The following PRKD2 variants were observed in gnomAD, a reference collection of about 807,000 sequenced individuals.
The protein encoded by PRKD2 is serine/threonine-protein kinase D2.
In PRKD2, 22 loss-of-function variants were observed where a neutral mutation model predicts 86.0. The observed-to-expected ratio is 0.26, with a 90% CI of 0.18 to 0.37. PRKD2 has a LOEUF of 0.37. Among genes scored for constraint, PRKD2 ranks in the 10% least tolerant of loss-of-function variants. PRKD2 has a pLI of 1.00. For missense variants in PRKD2, 818 were observed against 1,199.2 expected, an observed-to-expected ratio of 0.68 and a Z score of 4.70; for synonymous variants, 509 against 510.9, an observed-to-expected ratio of 1.00 and a Z score of 0.05.
chr19:46,681,728 G>A lies in PRKD2; in HGVS notation c.1992C>T (p.His664=). The A allele has an allele frequency of 6.8e-6, 11 of 1,613,356 alleles. No individual in the cohort carries two copies. Among genetic ancestry groups the A allele is most frequent in the Non-Finnish European group, 9.3e-6 (11 of 1,179,520 alleles). The part of the protein sequence containing the change: ...LITQILVALR[H]LHFKNIVHCD... ...AGTGGACAATGTTCTTGAAGTGAAG[G>A]TGTCTCAAAGCCACCAGGATCTGAG... Residue 664 remains histidine (H), a synonymous_variant, in exon 15 of 18, where the codon CAC becomes CAT. Transcript: ENST00000291281.
In PRKD2 at chr19:46,716,030, C is replaced by G. The variant is rs2053876973; in HGVS notation, c.240+101G>C. ...TCCCTCCATCACCCAAAGCTCAGGTCTCCTTCCTCCCTCTTCCGCACACCA... is the reference window on the plus strand; with the variant it reads ...TCCCTCCATCACCCAAAGCTCAGGTGTCCTTCCTCCCTCTTCCGCACACCA... On this transcript the variant is annotated intron_variant, in intron 1 of 17. Coordinates refer to ENST00000291281, the MANE Select transcript of PRKD2 (RefSeq NM_016457.5). This position sits in a 1 kb window ranked among gnomAD's most constrained non-coding sequence, Gnocchi z 7.9. 2 of 1,491,972 alleles carry G rather than the reference C, an allele frequency of 1.3e-6. No homozygotes were observed. The highest frequency in any genetic ancestry group is 1.8e-6 in the Non-Finnish European group (2 of 1,119,714). 92.4% of individuals were successfully genotyped at this position (1,491,972 alleles called of 1,614,324 possible). A position where few individuals can be genotyped will look rare whatever the true frequency, so the allele number is the denominator to read the frequency against.
chr19:46,697,367 G>C (rs1037805966), intron 8 of PRKD2, 133 bp from the exon 9 acceptor site: 2 of 654,034 alleles, frequency 3.1e-6, no homozygotes, highest in South Asian at 3.8e-5. Context: ...ACCCCACGCC[G>C]TAACCCCACC....
chr19:46,715,643 C>A (rs1308606643), intron 1 of PRKD2, among the ~76,000 whole-genome samples: 1 of 152,210 alleles, frequency 6.6e-6, no homozygotes, highest in East Asian at 1.9e-4. Context: ...CCACACATAT[C>A]TCAGGCTTAG....
intron 13 of PRKD2, among the ~76,000 whole-genome samples, chr19:46,690,307 C>T (rs1372560064): frequency 6.6e-6 from 1 of 152,210 alleles, no homozygotes; most frequent in African/African-American, 2.4e-5. Context: ...GATCCTGCCC[C>T]TCCCTTGCTC....
In PRKD2 at chr19:46,694,096, G is replaced by A. The variant is rs2053523110; in HGVS notation, c.1355C>T (p.Ala452Val). ...CGGCGGCACAAGGCTGAAGTTCTGGGCGGACTCCACCGTGAGGATTTCTGA... is the reference window on the plus strand; with the variant it reads ...CGGCGGCACAAGGCTGAAGTTCTGGACGGACTCCACCGTGAGGATTTCTGA... The part of the protein sequence containing the change: ...PLSEILTVES[A>V]QNFSLVPPGT... Residue 452 changes from alanine (A) to valine (V), a missense_variant, in exon 10 of 18, where the codon GCC becomes GTC. Coordinates refer to ENST00000291281, the MANE Select transcript of PRKD2 (RefSeq NM_016457.5). The A allele has an allele frequency of 6.2e-7, 1 of 1,614,052 alleles. No individual in the cohort carries two copies.
At chr19:46,705,901 C>T (rs1007060102) in intron 3 of PRKD2, among the ~76,000 whole-genome samples, 4 of 152,274 alleles carry the variant, frequency 2.6e-5, no homozygotes, top group Non-Finnish European at 4.4e-5. Flanking sequence ...CCTGTACCCC[C>T]GGCTGAAGCA....
At chr19:46,679,749 C>T (rs2053267568) in intron 15 of PRKD2, among the ~76,000 whole-genome samples, 5 of 152,106 alleles carry the variant, frequency 3.3e-5, no homozygotes, top group Non-Finnish European at 7.4e-5. Flanking sequence ...CTCAGCCTCC[C>T]GAATAGCTGG....
rs2053506270 is a variant in PRKD2, at chr19:46,693,151, C to A, written c.1576+724G>T. On this transcript the variant is annotated intron_variant, in intron 10 of 17. Coordinates refer to ENST00000291281, the MANE Select transcript of PRKD2 (RefSeq NM_016457.5). This position sits in a 1 kb window ranked among gnomAD's most constrained non-coding sequence, Gnocchi z 4.5. ...CTATATACCCAGATTGGGTCAGGTA[C>A]CCCTCTGGGCTCCTCTAGCTCCCTA... Among the ~76,000 whole-genome samples, 4 of 152,180 alleles carry A rather than the reference C, an allele frequency of 2.6e-5. No homozygotes were observed.
chr19:46,714,082 C>A, intron 1 of PRKD2, 81 bp from the exon 2 acceptor site: 2 of 1,519,602 alleles, frequency 1.3e-6, no homozygotes, highest in South Asian at 2.5e-5. Context: ...CCTCCCAGGG[C>A]AGGGCCGGCT....
intron 3 of PRKD2, 185 bp downstream of exon 3, chr19:46,710,722 C>A: frequency 1.4e-6 from 1 of 736,224 alleles, no homozygotes; most frequent in Non-Finnish European, 2.1e-6. Context: ...CGGCCCAGCC[C>A]CACCACTCCT....
chr19:46,701,418 C>T (rs551438484), intron 5 of PRKD2, among the ~76,000 whole-genome samples: 3 of 151,662 alleles, frequency 2.0e-5, no homozygotes, highest in East Asian at 2.0e-4. Flanking sequence ...GTCAGGAGTT[C>T]GAAACCAGCC....
rs77539002 is a variant in PRKD2, at chr19:46,693,883, G to A, written c.1568C>T (p.Ala523Val). The A allele has an allele frequency of 6.1e-5, 97 of 1,597,638 alleles. No homozygotes were observed. The highest frequency in any genetic ancestry group is 2.2e-4 in the East Asian group (10 of 44,634). The change falls in exon 10 of 18, where the codon GCG becomes GTG. Residue 523 changes from alanine (A) to valine (V), a missense_variant. This residue lies in a region of PRKD2 where 154 missense variants were observed against 359.6 expected (regional missense o/e 0.43). Coordinates refer to ENST00000291281, the MANE Select transcript of PRKD2 (RefSeq NM_016457.5). The surrounding 1 kb of genome is among the most constrained non-coding windows in gnomAD (Gnocchi z 4.5). ...LQDAPSAPGHAPHRQASLSIS... is the reference protein window; with the variant it reads ...LQDAPSAPGHVPHRQASLSIS... ...GAGGTGGGAGGACTTACTGTGGGGC[G>A]CGTGGCCTGGGGCGCTGGGTGCGTC...
At position 46,697,176 on chromosome 19, in the gene PRKD2, GTGT is replaced by G; in HGVS notation, c.1295_1297del (p.Asn432del). The G allele has an allele frequency of 6.3e-7, 1 of 1,589,048 alleles. No homozygotes were observed. Among genetic ancestry groups the G allele is most frequent in the Non-Finnish European group, 8.6e-7 (1 of 1,157,288 alleles). The stretch of plus-strand genomic sequence containing the variant: ...GCTTACCTTATAGTATCTGTTGGTC[GTGT>G]TGTTCTGGAAGAGCGTGATACACTT... On this transcript the variant is annotated inframe_deletion, in exon 9 of 18. Transcript: ENST00000291281.
At chr19:46,697,903 G>T in intron 7 of PRKD2, 53 bp from the exon 8 acceptor site, 1 of 1,400,274 alleles carries the variant, frequency 7.1e-7, no homozygotes, top group Non-Finnish European at 1.0e-6. Context: ...TGACCATGCT[G>T]CTTGGGAATG....
intron 7 of PRKD2, among the ~76,000 whole-genome samples, chr19:46,699,806 G>A (rs1454310846): frequency 2.6e-5 from 4 of 151,880 alleles, no homozygotes; most frequent in Admixed American, 6.6e-5. Context: ...GTAGGCTGGG[G>A]GCACAGTGGC....
chr19:46,710,784 G>T, intron 3 of PRKD2, 123 bp downstream of exon 3: 1 of 1,096,422 alleles, frequency 9.1e-7, no homozygotes, highest in Non-Finnish European at 1.3e-6. Flanking sequence ...TACTTCCTAG[G>T]CTGCGCCCCC....
In PRKD2 at chr19:46,704,613, C is replaced by T. The variant is rs2053686064; in HGVS notation, c.548G>A (p.Ser183Asn). The change falls in exon 4 of 18, where the codon AGC becomes AAC. Residue 183 changes from serine (S) to asparagine (N), a missense_variant. By Grantham distance (46) the Ser-to-Asn change is conservative. Transcript: ENST00000291281. ...GGCCCCACTACAGTTGTTGGGGATG[C>T]TGAAGGCACAGCGCTTGTGGTAGTT... The part of the protein sequence containing the change: ...GLNYHKRCAF[S>N]IPNNCSGARK... The T allele has an allele frequency of 6.2e-7, 1 of 1,613,096 alleles. No homozygotes were observed. The highest frequency in any genetic ancestry group is 1.1e-5 in the South Asian group (1 of 90,994).
intron 13 of PRKD2, among the ~76,000 whole-genome samples, chr19:46,690,035 C>T (rs1187879422): frequency 6.6e-6 from 1 of 152,132 alleles, no homozygotes; most frequent in Non-Finnish European, 1.5e-5. Context: ...CCACCATGCC[C>T]GGCCCAGAAG....
At position 46,694,077 on chromosome 19, in the gene PRKD2, C is replaced by T. The variant is rs1379742945; in HGVS notation, c.1374G>A (p.Val458=). ...AGCAGTGTGGGTTGGTGCCCGGCGG[C>T]ACAAGGCTGAAGTTCTGGGCGGACT... ...TVESAQNFSL[V]PPGTNPHCFE... is the part of the protein sequence containing the mutation. The change falls in exon 10 of 18, where the codon GTG becomes GTA. Residue 458 remains valine, a synonymous_variant. Coordinates refer to ENST00000291281, the MANE Select transcript of PRKD2 (RefSeq NM_016457.5). The T allele has an allele frequency of 6.2e-7, 1 of 1,614,186 alleles. No individual in the cohort carries two copies. Among genetic ancestry groups the T allele is most frequent in the African/African-American group, 1.3e-5 (1 of 75,064 alleles).
Sources: allele counts gnomAD v4.1 joint callset (sites outside exome capture counted in the v4.1 genomes callset), GRCh38; gene constraint gnomAD v4.1.1; regional missense constraint gnomAD v4.1.1; non-coding constraint Gnocchi (gnomAD v3.1); transcripts MANE v1.5; gene names NCBI Gene and HGNC (gene_info 2026-07-23, HGNC 2026-07-21).